Variants in TRIM39 observed in about 807,000 individuals in gnomAD.
The protein encoded by TRIM39 is E3 ubiquitin-protein ligase TRIM39.
TRIM39 carries 5 observed loss-of-function variants against 53.6 expected under a neutral mutation model. The observed-to-expected ratio is 0.09, with a 90% CI of 0.05 to 0.20. TRIM39 has a LOEUF of 0.20. Ranked by LOEUF, TRIM39 falls within the 10% of genes least tolerant of loss-of-function variation. The pLI, the probability that TRIM39 is intolerant of heterozygous loss-of-function variation, is 1.00. For synonymous variants in TRIM39, 196 were observed against 237.6 expected, an observed-to-expected ratio of 0.82 and a Z score of 1.61; for missense variants, 310 against 621.0, an observed-to-expected ratio of 0.50 and a Z score of 5.32.
intron 6 of TRIM39, 186 bp from the exon 7 acceptor site, chr6:30,340,319 G>A (rs1787355934): frequency 1.2e-6 from 2 of 1,612,864 alleles, no homozygotes; most frequent in African/African-American, 1.3e-5. Flanking sequence ...ATCTGTCCAC[G>A]GGATCATAAG....
Position 30,339,900 on chromosome 6 carries a change from C to T in TRIM39, c.781-8C>T, listed in dbSNP as rs1787293652. The T allele has an allele frequency of 1.2e-6, 2 of 1,614,100 alleles. No individual in the cohort carries two copies. The highest frequency in any genetic ancestry group is 2.2e-5 in the South Asian group (2 of 91,076). On this transcript the variant is annotated splice_region_variant and splice_polypyrimidine_tract_variant and intron_variant, in intron 5 of 7. Transcript: ENST00000396551. The surrounding 1 kb of genome is among the most constrained non-coding windows in gnomAD (Gnocchi z 4.2). Reference sequence around the variant, plus strand: ...ACCAATATTGCTTTCTTTTCTCCTTCCTTCTAGGATGTCAAAAGTACCCTG... The same window carrying T: ...ACCAATATTGCTTTCTTTTCTCCTTTCTTCTAGGATGTCAAAAGTACCCTG...
chr6:30,330,374 C>G (rs1785992279), intron 3 of TRIM39, among the ~76,000 whole-genome samples: 1 of 152,142 alleles, frequency 6.6e-6, no homozygotes, highest in African/African-American at 2.4e-5. Flanking sequence ...AGGTAACTTA[C>G]AGTATAATAA....
chr6:30,340,376 G>A (rs777926649), intron 6 of TRIM39, 129 bp from the exon 7 acceptor site: 1 of 1,612,086 alleles, frequency 6.2e-7, no homozygotes, highest in South Asian at 1.1e-5. Context: ...GCTTTTCAGG[G>A]AGGAGGAAGA....
intron 6 of TRIM39, 81 bp downstream of exon 6, chr6:30,340,011 G>A (rs890019462): frequency 1.2e-6 from 2 of 1,606,172 alleles, no homozygotes; most frequent in African/African-American, 2.7e-5. Context: ...TGGGTTGGGG[G>A]TGAGGTTGGG....
chr6:30,331,747 C>T (rs1374737037), intron 4 of TRIM39, among the ~76,000 whole-genome samples: 3 of 152,188 alleles, frequency 2.0e-5, no homozygotes, highest in Non-Finnish European at 4.4e-5. Context: ...TCCTATGCAG[C>T]CTTTCCTGAC....
chr6:30,336,832 A>T (rs1786919224), intron 5 of TRIM39, among the ~76,000 whole-genome samples: 1 of 152,222 alleles, frequency 6.6e-6, no homozygotes, highest in Admixed American at 6.5e-5. Flanking sequence ...TAGAATGGTG[A>T]ATCCTTACCA....
rs1250688205 is a variant in TRIM39 at position 30,339,662 on chromosome 6, C to T, written c.781-246C>T. Among the ~76,000 whole-genome samples the T allele has an allele frequency of 2.0e-5, 3 of 152,168 alleles. No homozygotes were observed. The East Asian group carries it at 5.8e-4, about 29-fold the overall frequency. On this transcript the variant is annotated intron_variant, in intron 5 of 7. Coordinates refer to ENST00000396551, the Ensembl canonical transcript of TRIM39. The surrounding 1 kb of genome is among the most constrained non-coding windows in gnomAD (Gnocchi z 4.2). ...AGCATCCTTGAGGAGCAAAGACAAGCATAAAAGAAATCATTGGGAAGTGAT... is the reference window on the plus strand; with the variant it reads ...AGCATCCTTGAGGAGCAAAGACAAGTATAAAAGAAATCATTGGGAAGTGAT...
exon 4 of TRIM39, chr6:30,330,832 A>G: frequency 1.9e-6 from 3 of 1,614,160 alleles, no homozygotes; most frequent in Non-Finnish European, 2.5e-6. Flanking sequence ...GCAGGAGATC[A>G]CTCGCTGCAA....
chr6:30,340,272 G>A, intron 6 of TRIM39: 1 of 1,612,570 alleles, frequency 6.2e-7, no homozygotes, highest in Non-Finnish European at 8.5e-7. Context: ...TGAAATACAG[G>A]AATATTCCTA....
chr6:30,336,719 C>A (rs1786906800), intron 5 of TRIM39, among the ~76,000 whole-genome samples: 1 of 152,126 alleles, frequency 6.6e-6, no homozygotes, highest in Non-Finnish European at 1.5e-5. Context: ...GTCTTGAACC[C>A]CTAAAAGTCA....
At chr6:30,329,639 C>G (rs1785873723) in exon 3 of TRIM39, 1 of 1,613,090 alleles carries the variant, frequency 6.2e-7, no homozygotes, top group Non-Finnish European at 8.5e-7. Flanking sequence ...GAGCCTCTGC[C>G]CCCAACACCA....
At chr6:30,331,726 T>C (rs1007516722) in intron 4 of TRIM39, among the ~76,000 whole-genome samples, 2 of 152,234 alleles carry the variant, frequency 1.3e-5, no homozygotes, top group African/African-American at 4.8e-5. Flanking sequence ...TCAGGCGGGA[T>C]GAAAGCCACT....
intron 7 of TRIM39, 194 bp from the exon 8 acceptor site, chr6:30,341,518 G>A (rs1787545755): frequency 1.2e-6 from 1 of 858,340 alleles, no homozygotes; most frequent in African/African-American, 1.7e-5. Context: ...TTACTTTAGG[G>A]TCAGGGTGAG....
intron 4 of TRIM39, 119 bp downstream of exon 4, chr6:30,330,995 C>T: frequency 8.3e-7 from 1 of 1,197,752 alleles, no homozygotes; most frequent in Non-Finnish European, 1.2e-6. Flanking sequence ...TCTCGCCGGA[C>T]ATGGTGGCTC....
In TRIM39 at chr6:30,335,655, CTG is replaced by C; in HGVS notation, c.550-86_550-85del. 1 of 1,451,322 alleles carries C rather than the reference CTG, an allele frequency of 6.9e-7. No individual in the cohort carries two copies. The highest frequency in any genetic ancestry group is 9.2e-7 in the Non-Finnish European group (1 of 1,085,822). 89.9% of individuals were successfully genotyped at this position (1,451,322 alleles called of 1,614,324 possible). A position where few individuals can be genotyped will look rare whatever the true frequency, so the allele number is the denominator to read the frequency against. Reference sequence around the variant, plus strand: ...AACCATTTTCAATGAAACTGGAAGTCTGTGTTAATTCATACATATGGTGGGTG... The same window carrying C: ...AACCATTTTCAATGAAACTGGAAGTCTGTTAATTCATACATATGGTGGGTG... On this transcript the variant is annotated intron_variant, in intron 4 of 7. Coordinates refer to ENST00000396551, the Ensembl canonical transcript of TRIM39. This position sits in a 1 kb window ranked among gnomAD's most constrained non-coding sequence, Gnocchi z 4.7.
chr6:30,339,155 CT>C lies in TRIM39; in HGVS notation c.781-741del, dbSNP rs1446498086. Among the ~76,000 whole-genome samples, 924 of 145,162 alleles carry C rather than the reference CT, an allele frequency of 6.4e-3. 2 individuals carry two copies. The highest frequency in any genetic ancestry group is 0.033 in the Middle Eastern group (9 of 274). ...ACAGTTATTAATGTGTTTATTCTTCCTTTTTTTTTTTTCTGAGAGAGTCTTG... is the reference window on the plus strand; with the variant it reads ...ACAGTTATTAATGTGTTTATTCTTCCTTTTTTTTTTTCTGAGAGAGTCTTG... On this transcript the variant is annotated intron_variant, in intron 5 of 7. Transcript: ENST00000396551. The surrounding 1 kb of genome is among the most constrained non-coding windows in gnomAD (Gnocchi z 4.2).
intron 7 of TRIM39, chr6:30,341,440 A>G: frequency 1.4e-6 from 1 of 698,920 alleles, no homozygotes; most frequent in Non-Finnish European, 2.7e-6. Context: ...TGTCAGAGGG[A>G]GATGAAGAGA....
chr6:30,341,629 T>A (rs765603482), intron 7 of TRIM39, 83 bp from the exon 8 acceptor site: 35 of 1,503,154 alleles, frequency 2.3e-5, no homozygotes, highest in Non-Finnish European at 3.1e-5. Context: ...CCAGGCTCTG[T>A]AAAGGCAGGC....
intron 4 of TRIM39, among the ~76,000 whole-genome samples, chr6:30,333,590 T>C (rs892534367): frequency 6.6e-6 from 1 of 152,020 alleles, no homozygotes; most frequent in African/African-American, 2.4e-5. Context: ...CTCGATCTCC[T>C]GACCTTGTGA....
Sources: allele counts gnomAD v4.1 joint callset (sites outside exome capture counted in the v4.1 genomes callset), GRCh38; gene constraint gnomAD v4.1.1; non-coding constraint Gnocchi (gnomAD v3.1); transcripts MANE v1.5; gene names NCBI Gene and HGNC (gene_info 2026-07-23, HGNC 2026-07-21).